The following CSMD1 variants were observed in gnomAD, a reference collection of about 807,000 sequenced individuals.
The protein encoded by CSMD1 is CUB and sushi domain-containing protein 1.
In CSMD1, 213 loss-of-function variants were observed where a neutral mutation model predicts 417.5. The observed-to-expected ratio is 0.51, with a 90% CI of 0.46 to 0.57. The LOEUF is 0.57. CSMD1 is among the 20% of genes least tolerant of loss of function. The pLI is 0.00. For synonymous variants in CSMD1, 2,862 were observed against 1,736.8 expected (o/e 1.65, Z -16.11); for missense variants, 6,923 against 4,529.7 (o/e 1.53, Z -15.17).
chr8:4,896,458 T>C lies in CSMD1; in HGVS notation c.85+97874A>G, dbSNP rs182115183. Among the ~76,000 whole-genome samples, 9 of 152,234 alleles carry C rather than the reference T, an allele frequency of 5.9e-5. No individual in the cohort carries two copies. The East Asian group carries it at 1.7e-3, about 29-fold the overall frequency. On this transcript the variant is annotated intron_variant, in intron 1 of 69. Coordinates refer to ENST00000635120, the MANE Select transcript of CSMD1 (RefSeq NM_033225.6). Reference sequence around the variant, plus strand: ...TGTTATGGAGCATCTACCAGGAAAATGTTGAAACTCTCAAACTGAAACTCT... The same window carrying C: ...TGTTATGGAGCATCTACCAGGAAAACGTTGAAACTCTCAAACTGAAACTCT...
At chr8:3,637,687 G>A (rs1210546715) in intron 7 of CSMD1, among the ~76,000 whole-genome samples, 1 of 152,174 alleles carries the variant, frequency 6.6e-6, no homozygotes, top group Non-Finnish European at 1.5e-5. Context: ...GATGACAACT[G>A]AATTACCTCT....
In CSMD1 at chr8:3,021,626, G is replaced by A. The variant is rs998171453; in HGVS notation, c.7856-2976C>T. Among the ~76,000 whole-genome samples the A allele has an allele frequency of 5.3e-5, 8 of 152,296 alleles. No individual in the cohort carries two copies. The South Asian group carries it at 6.2e-4, about 12-fold the overall frequency. On this transcript the variant is annotated intron_variant, in intron 51 of 69. Coordinates refer to ENST00000635120, the MANE Select transcript of CSMD1 (RefSeq NM_033225.6). ...AAAAGACACTTGGCTGACAGCATCC[G>A]GAAATCACCTGCAATCCCAAAGCCT... is the stretch of plus-strand genomic sequence containing the variant.
intron 3 of CSMD1, among the ~76,000 whole-genome samples, chr8:4,274,628 G>A (rs1180674267): frequency 2.0e-5 from 3 of 151,666 alleles, no homozygotes; most frequent in South Asian, 2.1e-4. Context: ...ATTAAATATC[G>A]AACAAAAATC....
intron 3 of CSMD1, among the ~76,000 whole-genome samples, chr8:4,353,125 C>G (rs1801194485): frequency 6.6e-6 from 1 of 152,130 alleles, no homozygotes; most frequent in South Asian, 2.1e-4. Flanking sequence ...TTTATGTTCT[C>G]TGATATGGTT....
chr8:4,090,648 T>G (rs1335338073), intron 3 of CSMD1, among the ~76,000 whole-genome samples: 2 of 152,206 alleles, frequency 1.3e-5, no homozygotes, highest in African/African-American at 4.8e-5. Context: ...TGAACTTAAG[T>G]AATTTAAGTG....
chr8:3,362,153 A>T (rs535272037), intron 20 of CSMD1, among the ~76,000 whole-genome samples: 12 of 152,326 alleles, frequency 7.9e-5, no homozygotes, highest in African/African-American at 2.6e-4. Flanking sequence ...TAAACAACCA[A>T]AACCACCAAC....
chr8:3,942,246 T>C (rs188938452), intron 5 of CSMD1, among the ~76,000 whole-genome samples: 35 of 152,122 alleles, frequency 2.3e-4, no homozygotes, highest in Admixed American at 1.6e-3. Context: ...GTAATCTTAA[T>C]AGAAATAAAC....
At chr8:3,416,245 G>C (rs1173288442) in intron 12 of CSMD1, among the ~76,000 whole-genome samples, 8 of 139,664 alleles carry the variant, frequency 5.7e-5, no homozygotes, top group Non-Finnish European at 9.1e-5. Context: ...GGAGCTTGCA[G>C]TGAACCGGGA....
Position 4,344,032 on chromosome 8 carries a change from T to C in CSMD1, c.415+75921A>G, listed in dbSNP as rs188466473. Among the ~76,000 whole-genome samples, 219 of 152,290 alleles carry C rather than the reference T, an allele frequency of 1.4e-3. 1 individual carries two copies. Among genetic ancestry groups the C allele is most frequent in the Admixed American group, 2.4e-3 (36 of 15,288 alleles). ...CTGTGGTTGTGAAATTGTGAATGTATACAAATAGGTGTGTGTATGTGCGTG... is the reference window on the plus strand; with the variant it reads ...CTGTGGTTGTGAAATTGTGAATGTACACAAATAGGTGTGTGTATGTGCGTG... On this transcript the variant is annotated intron_variant, in intron 3 of 69. Transcript: ENST00000635120.
chr8:4,060,843 G>A (rs144623410), intron 3 of CSMD1, among the ~76,000 whole-genome samples: 14 of 152,274 alleles, frequency 9.2e-5, no homozygotes, highest in African/African-American at 3.1e-4. Flanking sequence ...CATTAATCAT[G>A]TAAGGTTAGA....
At chr8:3,460,869 G>C (rs895296908) in intron 12 of CSMD1, among the ~76,000 whole-genome samples, 36 of 152,196 alleles carry the variant, frequency 2.4e-4, no homozygotes, top group African/African-American at 8.2e-4. Flanking sequence ...GCTTGTTCTA[G>C]AAGCAAAGAG....
intron 2 of CSMD1, among the ~76,000 whole-genome samples, chr8:4,587,395 ATATGTGGATATATATGTATATGTACATG>A (rs1799756718): frequency 1.3e-5 from 1 of 76,538 alleles, no homozygotes; most frequent in East Asian, 3.5e-4. Flanking sequence ...ACATACATGT[ATATGTGGATATATATGTATATGTACATG>A]TATATGTGGA....
intron 1 of CSMD1, among the ~76,000 whole-genome samples, chr8:4,959,573 C>T (rs755751576): frequency 1.2e-4 from 19 of 152,232 alleles, no homozygotes; most frequent in African/African-American, 4.6e-4. Context: ...AATTATCACC[C>T]GATACCTATC....
chr8:4,620,822 T>A (rs2616978), intron 2 of CSMD1, among the ~76,000 whole-genome samples: 1 of 151,438 alleles, frequency 6.6e-6, no homozygotes, highest in Non-Finnish European at 1.5e-5. Flanking sequence ...GACTTTATAT[T>A]CCACTTAACT....
intron 2 of CSMD1, among the ~76,000 whole-genome samples, chr8:4,541,867 G>C (rs1452704756): frequency 1.3e-5 from 2 of 152,112 alleles, no homozygotes; most frequent in African/African-American, 4.8e-5. Flanking sequence ...TGAAATGCCA[G>C]GGAAGGGATG....
At chr8:3,638,340 G>C (rs374431719) in intron 7 of CSMD1, among the ~76,000 whole-genome samples, 2 of 152,010 alleles carry the variant, frequency 1.3e-5, no homozygotes, top group Admixed American at 1.3e-4. Flanking sequence ...CTAAAACCCA[G>C]TGTTAGCTTC....
chr8:3,719,903 G>A (rs865963162), intron 6 of CSMD1, among the ~76,000 whole-genome samples: 7 of 152,108 alleles, frequency 4.6e-5, no homozygotes, highest in Non-Finnish European at 8.8e-5. Flanking sequence ...ATGTCACCTT[G>A]CCAGGTTAAA....
chr8:3,976,897 T>A (rs1813476361), intron 5 of CSMD1, among the ~76,000 whole-genome samples: 1 of 152,122 alleles, frequency 6.6e-6, no homozygotes, highest in Non-Finnish European at 1.5e-5. Flanking sequence ...TTGAATTTGT[T>A]TGCAAATGAC....
intron 1 of CSMD1, among the ~76,000 whole-genome samples, chr8:4,925,824 G>T (rs1350197641): frequency 1.3e-5 from 2 of 152,196 alleles, no homozygotes; most frequent in African/African-American, 4.8e-5. Context: ...TGGGATTACA[G>T]GCGTGAGCCC....
Sources: gnomAD v4.1 joint callset for allele counts (sites outside exome capture counted in the v4.1 genomes callset) on GRCh38, gnomAD v4.1.1 for gene constraint, MANE v1.5 for transcripts, NCBI Gene and HGNC (gene_info 2026-07-23, HGNC 2026-07-21) for gene names.